PIEZO2: variants seen among roughly 807,000 people sequenced by gnomAD.
PIEZO2 encodes piezo type mechanosensitive ion channel component 2, also known as piezo-type mechanosensitive ion channel component 2.
PIEZO2 carries 172 observed loss-of-function variants against 337.3 expected under a neutral mutation model. That is an observed-to-expected ratio of 0.51 (90% CI 0.45 to 0.58). PIEZO2 has a LOEUF of 0.58. Among genes scored for constraint, PIEZO2 ranks in the 20% least tolerant of loss-of-function variants. The pLI, the probability that PIEZO2 is intolerant of heterozygous loss-of-function variation, is 0.00. For missense variants in PIEZO2, 3,028 were observed against 3,391.3 expected, an observed-to-expected ratio of 0.89 and a Z score of 2.66; for synonymous variants, 1,251 against 1,228.5, an observed-to-expected ratio of 1.02 and a Z score of -0.38.
intron 4 of PIEZO2, among the ~76,000 whole-genome samples, chr18:10,886,487 C>CATATATATATATAATGTGTATATATAT: frequency 4.4e-5 from 2 of 45,882 alleles, no homozygotes; most frequent in African/African-American, 2.9e-4. Context: ...ATATCCAAAC[C>CATATATATATATAATGTGTATATATAT]ATATATATAT....
rs1018274549 is a variant in PIEZO2, at chr18:10,680,104, G to A, written c.7952+95C>T. The A allele has an allele frequency of 5.5e-6, 6 of 1,099,246 alleles. No homozygotes were observed. In the African/African-American group the frequency reaches 8.0e-5, roughly 15 times the overall value. The allele number at this position is 1,099,246 out of a possible 1,614,324, so 68.1% of individuals were successfully genotyped here. On this transcript the variant is annotated intron_variant, in intron 52 of 55. Transcript: ENST00000674853. ...AAAGTAAGATCCACATCAATCTAAA[G>A]TTCCCATTCTTCCATCCCACCACAC...
chr18:10,999,714 G>T (rs559878441), intron 2 of PIEZO2, among the ~76,000 whole-genome samples: 1 of 151,976 alleles, frequency 6.6e-6, no homozygotes, highest in Admixed American at 6.5e-5. Flanking sequence ...TCATGCACTT[G>T]GACTACATTA....
chr18:10,753,565 C>T (rs543053173), intron 27 of PIEZO2, among the ~76,000 whole-genome samples: 9 of 152,146 alleles, frequency 5.9e-5, no homozygotes, highest in African/African-American at 1.9e-4. Context: ...CAGGCCAAGT[C>T]CCAACTGCAT....
At position 10,859,524 on chromosome 18, in the gene PIEZO2, A is replaced by G. The variant is rs1010073505; in HGVS notation, c.493-2313T>C. 3.9e-5 allele frequency among the ~76,000 whole-genome samples: 6 copies of G among 152,208 alleles called. No individual in the cohort carries two copies. The highest frequency in any genetic ancestry group is 1.2e-4 in the African/African-American group (5 of 41,452). On this transcript the variant is annotated intron_variant, in intron 5 of 55. Transcript: ENST00000674853. The surrounding 1 kb of genome is among the most constrained non-coding windows in gnomAD (Gnocchi z 4.9). ...ACACCAGGGAGAGAACAGCCCAGCC[A>G]TCCTGGCTCTCTCTCCTGCATCACA...
intron 2 of PIEZO2, among the ~76,000 whole-genome samples, chr18:11,065,561 G>A (rs1456666637): frequency 6.6e-6 from 1 of 152,132 alleles, no homozygotes; most frequent in Non-Finnish European, 1.5e-5. Context: ...AACCAGAATG[G>A]GAGCTGAAGT....
intron 2 of PIEZO2, among the ~76,000 whole-genome samples, chr18:10,997,689 A>G (rs2035375903): frequency 6.6e-6 from 1 of 152,224 alleles, no homozygotes; most frequent in Non-Finnish European, 1.5e-5. Context: ...TGAGTTAGTA[A>G]TGATGAAGAA....
At position 11,110,184 on chromosome 18, in the gene PIEZO2, G is replaced by A. The variant is rs1314663516; in HGVS notation, c.64+38341C>T. 6.6e-6 allele frequency among the ~76,000 whole-genome samples: 1 copy of A among 152,104 alleles called. No homozygotes were observed. Among genetic ancestry groups the A allele is most frequent in the African/African-American group, 2.4e-5 (1 of 41,406 alleles). On this transcript the variant is annotated intron_variant, in intron 1 of 55. Coordinates refer to ENST00000674853, the MANE Select transcript of PIEZO2 (RefSeq NM_001378183.1). This position sits in a 1 kb window ranked among gnomAD's most constrained non-coding sequence, Gnocchi z 4.2. The stretch of plus-strand genomic sequence containing the variant: ...CTATCACCCAGGCTGGAGTAAAGTG[G>A]TGTGATCATAGCTCACTGCATCCTG...
At chr18:10,807,343 T>TA in intron 7 of PIEZO2, 69 bp from the exon 8 acceptor site, 1 of 1,411,184 alleles carries the variant, frequency 7.1e-7, no homozygotes, top group Non-Finnish European at 9.5e-7. Flanking sequence ...TGAATAAAAG[T>TA]ACTTTGTTTT....
chr18:10,800,310 G>T (rs1425570810), intron 11 of PIEZO2, 27 bp downstream of exon 11: 2 of 1,509,222 alleles, frequency 1.3e-6, no homozygotes, highest in African/African-American at 1.4e-5. Context: ...GAAGAAATGC[G>T]ACCCTGAGTG....
intron 1 of PIEZO2, among the ~76,000 whole-genome samples, chr18:11,103,014 G>A (rs2039462671): frequency 1.3e-5 from 2 of 152,140 alleles, no homozygotes; most frequent in Admixed American, 1.3e-4. Context: ...GGGGAGGGGT[G>A]CACTAGGAAT....
intron 1 of PIEZO2, among the ~76,000 whole-genome samples, chr18:11,137,204 T>C (rs1354346218): frequency 6.6e-6 from 1 of 152,148 alleles, no homozygotes; most frequent in Admixed American, 6.5e-5. Flanking sequence ...TCAACTGTTT[T>C]GTAAAATCCT....
chr18:10,822,419 T>C (rs2040544830), intron 7 of PIEZO2, among the ~76,000 whole-genome samples: 1 of 152,224 alleles, frequency 6.6e-6, no homozygotes, highest in Non-Finnish European at 1.5e-5. Context: ...AATTCCCTTT[T>C]CCAGGGTGGT....
In PIEZO2 at chr18:10,877,009, C is replaced by G. The variant is rs534691428; in HGVS notation, c.330-5594G>C. ...TCCGTTCCCGTGGTTTTCTTACACT[C>G]TCTTCTAATTCTCTACCTACCTATG... On this transcript the variant is annotated intron_variant, in intron 4 of 55. Coordinates refer to ENST00000674853, the MANE Select transcript of PIEZO2 (RefSeq NM_001378183.1). This position sits in a 1 kb window ranked among gnomAD's most constrained non-coding sequence, Gnocchi z 5.3. Among the ~76,000 whole-genome samples the G allele has an allele frequency of 7.0e-4, 107 of 152,312 alleles. No individual in the cohort carries two copies. Among genetic ancestry groups the G allele is most frequent in the Non-Finnish European group, 9.3e-4 (63 of 68,026 alleles).
rs1568124946 is a variant in PIEZO2, at chr18:10,846,536, A to G, written c.917+8817T>C. Among the ~76,000 whole-genome samples the G allele has an allele frequency of 6.6e-6, 1 of 152,210 alleles. No homozygotes were observed. The highest frequency in any genetic ancestry group is 1.5e-5 in the Non-Finnish European group (1 of 68,040). On this transcript the variant is annotated intron_variant, in intron 7 of 55. Transcript: ENST00000674853. This position sits in a 1 kb window ranked among gnomAD's most constrained non-coding sequence, Gnocchi z 4.1. ...TGAACTAAGAGTTCCTGAGAGGCCA[A>G]TGTATGTCAGCAGTGTTAAATCCTG...
intron 4 of PIEZO2, among the ~76,000 whole-genome samples, chr18:10,896,386 A>C (rs1393178158): frequency 6.6e-6 from 1 of 152,186 alleles, no homozygotes; most frequent in African/African-American, 2.4e-5. Flanking sequence ...TGCAGTCTCC[A>C]TCCATTAGTG....
intron 7 of PIEZO2, among the ~76,000 whole-genome samples, chr18:10,814,390 T>C (rs549902538): frequency 1.3e-5 from 2 of 152,170 alleles, no homozygotes; most frequent in African/African-American, 2.4e-5. Context: ...AAACGAATAT[T>C]TGGGGACAAA....
At chr18:11,056,095 G>T (rs556903098) in intron 2 of PIEZO2, among the ~76,000 whole-genome samples, 2 of 152,344 alleles carry the variant, frequency 1.3e-5, no homozygotes, top group African/African-American at 4.8e-5. Flanking sequence ...AGATCAGATT[G>T]TCATGCTCTT....
At chr18:10,701,528 G>A (rs2035331271) in intron 43 of PIEZO2, among the ~76,000 whole-genome samples, 1 of 152,234 alleles carries the variant, frequency 6.6e-6, no homozygotes, top group Admixed American at 6.5e-5. Context: ...GCTACCCAAT[G>A]AAAGCAGTAC....
intron 2 of PIEZO2, among the ~76,000 whole-genome samples, chr18:11,056,376 C>G (rs1324563505): frequency 6.6e-6 from 1 of 152,194 alleles, no homozygotes; most frequent in Non-Finnish European, 1.5e-5. Context: ...CTGCACACAG[C>G]TCTTCAGAAG....
Sources: allele counts gnomAD v4.1 joint callset (sites outside exome capture counted in the v4.1 genomes callset), GRCh38; gene constraint gnomAD v4.1.1; non-coding constraint Gnocchi (gnomAD v3.1); transcripts MANE v1.5; gene names NCBI Gene and HGNC (gene_info 2026-07-23, HGNC 2026-07-21).